TBC1D2: variants seen among roughly 807,000 people sequenced by gnomAD.
TBC1D2 encodes the protein TBC1 domain family member 2.
In TBC1D2, 58 loss-of-function variants were observed where a neutral mutation model predicts 91.1. The ratio of observed to expected loss-of-function variants is 0.64; its 90% CI spans 0.52 to 0.79. The LOEUF (loss-of-function observed/expected upper bound fraction) is 0.79, where lower values mean the gene tolerates loss of function less well. Among genes scored for constraint, TBC1D2 ranks in the 30% least tolerant of loss-of-function variants. TBC1D2 has a pLI of 0.00. For synonymous variants in TBC1D2, 482 were observed against 511.5 expected (o/e 0.94, Z 0.78); for missense variants, 1,080 against 1,208.3 (o/e 0.89, Z 1.57).
intron 1 of TBC1D2, among the ~76,000 whole-genome samples, chr9:98,253,650 C>T (rs1028204478): frequency 3.3e-5 from 5 of 152,166 alleles, no homozygotes; most frequent in Middle Eastern, 3.2e-3. Flanking sequence ...CCTGGAATAC[C>T]TTTCTCCCTC....
chr9:98,251,290 CAA>C (rs1226465638), intron 2 of TBC1D2, among the ~76,000 whole-genome samples: 1 of 135,830 alleles, frequency 7.4e-6, no homozygotes, highest in Non-Finnish European at 1.6e-5. Flanking sequence ...GACTCCATCT[CAA>C]AAAAAAAAAA....
intron 6 of TBC1D2, among the ~76,000 whole-genome samples, chr9:98,214,983 G>A (rs1828936234): frequency 6.6e-6 from 1 of 152,156 alleles, no homozygotes; most frequent in East Asian, 1.9e-4. Context: ...CACTCAGCTT[G>A]CTCTCTGCCT....
intron 9 of TBC1D2, among the ~76,000 whole-genome samples, chr9:98,203,996 G>A (rs1319632730): frequency 6.6e-6 from 1 of 152,164 alleles, no homozygotes; most frequent in Non-Finnish European, 1.5e-5. Context: ...TTTAGGAGGT[G>A]CTCAATGCAC....
Position 98,233,491 on chromosome 9 carries a change from G to A in TBC1D2, c.706C>T (p.Pro236Ser), listed in dbSNP as rs752142724. Residue 236 changes from proline (P) to serine (S), a missense_variant, in exon 4 of 13, where the codon CCA (proline) becomes TCA (serine). Physicochemically the swap from Pro to Ser is moderately conservative, Grantham distance 74. Coordinates refer to ENST00000465784, the MANE Select transcript of TBC1D2 (RefSeq NM_001267571.2). Reference sequence around the variant, plus strand: ...CCACTCTGTGGAGAATCTTCCCCTGGAGGTTCATGGCCTGTTCCCTGGGCC... The same window carrying A: ...CCACTCTGTGGAGAATCTTCCCCTGAAGGTTCATGGCCTGTTCCCTGGGCC... The part of the protein sequence containing the change: ...KQAQGTGHEP[P>S]GEDSPQSGEP... 6.2e-7 allele frequency: 1 copy of A among 1,614,192 alleles called. No homozygotes were observed.
rs1828423950 is a variant in TBC1D2, at chr9:98,199,479, C to T, written c.2689G>A (p.Glu897Lys). The T allele has an allele frequency of 6.2e-7, 1 of 1,613,990 alleles. No individual in the cohort carries two copies. The highest frequency in any genetic ancestry group is 1.7e-5 in the Admixed American group (1 of 60,004). The change falls in exon 13 of 13, where the codon GAG becomes AAG. Residue 897 changes from glutamate (E) to lysine (K), a missense_variant. By Grantham distance (56) the Glu-to-Lys change is moderately conservative. Coordinates refer to ENST00000465784, the MANE Select transcript of TBC1D2 (RefSeq NM_001267571.2). ...ERLEAELREL[E>K]QLKAEYLERR... The stretch of plus-strand genomic sequence containing the variant: ...TCCAGGTACTCTGCCTTAAGCTGCT[C>T]CAGCTCCCGCAGCTCAGCCTCCAGC...
Position 98,221,132 on chromosome 9 carries a change from G to T in TBC1D2, c.1075C>A (p.Leu359Met). The change falls in exon 6 of 13, where the codon CTG becomes ATG. Residue 359 changes from leucine to methionine, a missense_variant. Coordinates refer to ENST00000465784, the MANE Select transcript of TBC1D2 (RefSeq NM_001267571.2). Reference protein sequence around the residue: ...YLAAAEDKDRLELVRHKVRQI... With the variant: ...YLAAAEDKDRMELVRHKVRQI... Reference sequence around the variant, plus strand: ...CGCACTTTGTGCCGCACCAGCTCCAGCCGGTCCTTGTCCTCAGCCGCCGCC... The same window carrying T: ...CGCACTTTGTGCCGCACCAGCTCCATCCGGTCCTTGTCCTCAGCCGCCGCC... 6.3e-7 allele frequency: 1 copy of T among 1,588,476 alleles called. No homozygotes were observed.
At chr9:98,242,584 T>G (rs1043343832) in intron 3 of TBC1D2, among the ~76,000 whole-genome samples, 1 of 152,208 alleles carries the variant, frequency 6.6e-6, no homozygotes, top group Non-Finnish European at 1.5e-5. Context: ...ATGCATTTCA[T>G]GCTTAAGACT....
rs1295278062 is a variant in TBC1D2, at chr9:98,199,438, C to T, written c.2730G>A (p.Arg910=). ...CACAGCCCTCGGACACAGCTCTGCG[C>T]CGGGATGCCCGCCTCTCCAGGTACT... The part of the protein sequence containing the change: ...KAEYLERRAS[R]RRAVSEGCAS... The change falls in exon 13 of 13, where the codon CGG becomes CGA. Residue 910 remains arginine (R), a synonymous_variant. Coordinates refer to ENST00000465784, the MANE Select transcript of TBC1D2 (RefSeq NM_001267571.2). The T allele has an allele frequency of 6.2e-7, 1 of 1,614,050 alleles. No homozygotes were observed. Among genetic ancestry groups the T allele is most frequent in the Admixed American group, 1.7e-5 (1 of 60,032 alleles).
intron 7 of TBC1D2, 23 bp from the exon 8 acceptor site, chr9:98,210,866 C>A: frequency 6.5e-7 from 1 of 1,544,642 alleles, no homozygotes; most frequent in Non-Finnish European, 8.7e-7. Flanking sequence ...AAAGGCTGGT[C>A]AGGCTACCGG....
intron 5 of TBC1D2, among the ~76,000 whole-genome samples, chr9:98,222,664 T>C (rs12351801): frequency 0.44 from 66,566 of 152,064 alleles, 15,523 homozygotes; most frequent in African/African-American, 0.61. Flanking sequence ...AGCAGCCAGG[T>C]CCACGTGGAA....
In TBC1D2 at chr9:98,208,694, G is replaced by T; in HGVS notation, c.2124C>A (p.Thr708=). The T allele has an allele frequency of 6.5e-7, 1 of 1,533,256 alleles. No individual in the cohort carries two copies. The highest frequency in any genetic ancestry group is 1.3e-5 in the South Asian group (1 of 79,344). The allele number at this position is 1,533,256 out of a possible 1,614,324, so 95.0% of individuals were successfully genotyped here. A position where few individuals can be genotyped will look rare whatever the true frequency, so the allele number is the denominator to read the frequency against. Residue 708 remains threonine, a synonymous_variant, in exon 9 of 13, where the codon ACC becomes ACA. Transcript: ENST00000465784. ...TGTTCAGGCCCTGGCAGTAGCCGAT[G>T]GTGGGGTTCTGCCAGGAGAAGGCCA... ...VLLAFSWQNP[T]IGYCQGLNRL... is the part of the protein sequence containing the mutation.
At chr9:98,233,244 A>G (rs528632296) in intron 4 of TBC1D2, among the ~76,000 whole-genome samples, 172 bp downstream of exon 4, 5 of 152,228 alleles carry the variant, frequency 3.3e-5, no homozygotes, top group Non-Finnish European at 7.3e-5. Flanking sequence ...ACTGTGAGAA[A>G]TAAGTATCTG....
At chr9:98,237,147 G>A (rs1256447940) in intron 3 of TBC1D2, among the ~76,000 whole-genome samples, 1 of 151,978 alleles carries the variant, frequency 6.6e-6, no homozygotes, top group Non-Finnish European at 1.5e-5. Flanking sequence ...GACCAGCCTG[G>A]CCAACATAGT....
intron 1 of TBC1D2, among the ~76,000 whole-genome samples, chr9:98,253,899 C>A (rs1050020101): frequency 1.5e-4 from 23 of 152,284 alleles, no homozygotes; most frequent in African/African-American, 5.5e-4. Context: ...TAGCTCCACA[C>A]CCCGCCAAGC....
intron 3 of TBC1D2, chr9:98,235,109 C>CAG (rs1829470547): frequency 4.5e-6 from 1 of 223,620 alleles, no homozygotes; most frequent in Non-Finnish European, 9.3e-6. Flanking sequence ...GAGGCTGAGG[C>CAG]AGAGAATCGC....
chr9:98,213,452 G>A lies in TBC1D2; in HGVS notation c.1375-234C>T, dbSNP rs138224487. ...GGTCTGAATTTAAGTCCTGGCTGAT[G>A]TTCTGGCTGGAAGGCCTCAGGCAGG... On this transcript the variant is annotated intron_variant, in intron 6 of 12. Transcript: ENST00000465784. 513 of 1,323,286 alleles carry A rather than the reference G, an allele frequency of 3.9e-4. 2 individuals are homozygous for A. The African/African-American group carries it at 6.0e-3, about 15-fold the overall frequency. The allele number at this position is 1,323,286 out of a possible 1,614,324, so 82.0% of individuals were successfully genotyped here.
intron 3 of TBC1D2, among the ~76,000 whole-genome samples, chr9:98,238,842 C>A (rs144041278): frequency 3.4e-5 from 5 of 145,342 alleles, no homozygotes; most frequent in African/African-American, 1.4e-4. Flanking sequence ...CCTGCCTCAG[C>A]CTCCCAAGTA....
At chr9:98,202,662 C>T (rs3780451) in intron 10 of TBC1D2, among the ~76,000 whole-genome samples, 61,138 of 152,040 alleles carry the variant, frequency 0.4, 12,462 homozygotes, top group African/African-American at 0.48. Context: ...AACACTGGCT[C>T]CCTGGGTTGA....
rs1255532146 is a variant in TBC1D2, at chr9:98,228,225, A to T, written c.978+727T>A. Among the ~76,000 whole-genome samples the T allele has an allele frequency of 6.6e-6, 1 of 152,196 alleles. No homozygotes were observed. The highest frequency in any genetic ancestry group is 2.4e-5 in the African/African-American group (1 of 41,458). On this transcript the variant is annotated intron_variant, in intron 5 of 12. Coordinates refer to ENST00000465784, the MANE Select transcript of TBC1D2 (RefSeq NM_001267571.2). This position sits in a 1 kb window ranked among gnomAD's most constrained non-coding sequence, Gnocchi z 4.0. Reference sequence around the variant, plus strand: ...ACAACTGCCTAACTTAGTCGCTTTTATCACTCTAAAGAGGGGCTCCCGCCC... The same window carrying T: ...ACAACTGCCTAACTTAGTCGCTTTTTTCACTCTAAAGAGGGGCTCCCGCCC...
Sources: allele counts gnomAD v4.1 joint callset (sites outside exome capture counted in the v4.1 genomes callset), GRCh38; gene constraint gnomAD v4.1.1; non-coding constraint Gnocchi (gnomAD v3.1); transcripts MANE v1.5; gene names NCBI Gene and HGNC (gene_info 2026-07-23, HGNC 2026-07-21).